FOXK1: variants seen among roughly 807,000 people sequenced by gnomAD.
FOXK1 encodes forkhead box protein K1.
A neutral mutation model predicts 51.9 loss-of-function variants in FOXK1; 19 were observed. The observed-to-expected ratio is 0.37, with a 90% confidence interval of 0.26 to 0.54. The LOEUF is 0.54. Ranked by LOEUF, FOXK1 falls within the 20% of genes least tolerant of loss-of-function variation. The pLI, the probability that FOXK1 is intolerant of heterozygous loss-of-function variation, is 0.87. For synonymous variants in FOXK1, 537 were observed against 482.6 expected (o/e 1.11, Z -1.48); for missense variants, 870 against 1,032.7 (o/e 0.84, Z 2.16).
At chr7:4,716,481 G>A (rs757311661) in intron 1 of FOXK1, among the ~76,000 whole-genome samples, 6 of 152,138 alleles carry the variant, frequency 3.9e-5, no homozygotes, top group Non-Finnish European at 8.8e-5. Context: ...TCTCTAGCCT[G>A]CGTGACACAG....
intron 1 of FOXK1, among the ~76,000 whole-genome samples, chr7:4,732,846 C>G (rs1394945566): frequency 6.6e-6 from 1 of 152,230 alleles, no homozygotes; most frequent in East Asian, 1.9e-4. Context: ...CTGCACGCCC[C>G]TTACACGTGT....
rs1243829535 is a variant in FOXK1 at position 4,765,830 on chromosome 7, A to G, written c.*3366A>G. On this transcript the variant is annotated 3_prime_UTR_variant, in exon 9 of 9. Coordinates refer to ENST00000328914, the MANE Select transcript of FOXK1 (RefSeq NM_001037165.2). ...GGTAAGTCCCAAAAAGAACGTCTTA[A>G]GTAGAGCAAAGGCATCCACCGAGGC... The G allele has an allele frequency of 6.6e-6, 1 of 152,218 alleles. No homozygotes were observed. Among genetic ancestry groups the G allele is most frequent in the Non-Finnish European group, 1.5e-5 (1 of 68,044 alleles). 9.4% of individuals were successfully genotyped at this position (152,218 alleles called of 1,614,324 possible).
chr7:4,721,958 T>G (rs1780318465), intron 1 of FOXK1, among the ~76,000 whole-genome samples: 1 of 152,244 alleles, frequency 6.6e-6, no homozygotes, highest in African/African-American at 2.4e-5. Flanking sequence ...TGCATCCCTT[T>G]CTCGTGCAGG....
At chr7:4,696,426 T>C (rs1779953176) in intron 1 of FOXK1, among the ~76,000 whole-genome samples, 1 of 152,188 alleles carries the variant, frequency 6.6e-6, no homozygotes, top group South Asian at 2.1e-4. Flanking sequence ...GATAAGCAGG[T>C]GTGTGCGCGT....
intron 1 of FOXK1, among the ~76,000 whole-genome samples, chr7:4,687,970 G>A (rs1391076635): frequency 3.3e-5 from 5 of 152,136 alleles, no homozygotes; most frequent in Non-Finnish European, 5.9e-5. Flanking sequence ...GCTCTCAAAC[G>A]ATCCTCCCAC....
intron 1 of FOXK1, among the ~76,000 whole-genome samples, chr7:4,694,604 G>T (rs753835350): frequency 2.0e-5 from 3 of 152,120 alleles, no homozygotes; most frequent in Non-Finnish European, 4.4e-5. Context: ...TGGATTCTGG[G>T]GCTTGGTCTT....
intron 1 of FOXK1, among the ~76,000 whole-genome samples, chr7:4,718,714 A>T (rs898220928): frequency 2.6e-5 from 4 of 151,904 alleles, no homozygotes; most frequent in Non-Finnish European, 4.4e-5. Flanking sequence ...CCTTCCTTCC[A>T]CCCATGTATG....
rs1317782044 is a variant in FOXK1, at chr7:4,761,259, C to T, written c.1892C>T (p.Pro631Leu). The change falls in exon 8 of 9, where the codon CCC becomes CTC. Residue 631 changes from proline (P) to leucine (L), a missense_variant. Pro to Leu is a moderately conservative substitution (Grantham distance 98). Transcript: ENST00000328914. The surrounding 1 kb of genome is among the most constrained non-coding windows in gnomAD (Gnocchi z 6.2). The stretch of plus-strand genomic sequence containing the variant: ...ACCCAGAACGGAAAGCATGCGGTTC[C>T]CACGAACAGTTTAGCCGGCAACGCT... Reference protein sequence around the residue: ...AVTQNGKHAVPTNSLAGNAYA... With the variant: ...AVTQNGKHAVLTNSLAGNAYA... The T allele has an allele frequency of 6.2e-7, 1 of 1,612,962 alleles. No individual in the cohort carries two copies. The highest frequency in any genetic ancestry group is 1.3e-5 in the African/African-American group (1 of 75,052).
intron 1 of FOXK1, among the ~76,000 whole-genome samples, chr7:4,689,542 C>A (rs1310899581): frequency 6.6e-6 from 1 of 152,136 alleles, no homozygotes; most frequent in Admixed American, 6.6e-5. Flanking sequence ...AGATGTGCCA[C>A]CCTGGAACCT....
In FOXK1 at chr7:4,710,468, C is replaced by G. The variant is rs28392913; in HGVS notation, c.560+27600C>G. On this transcript the variant is annotated intron_variant, in intron 1 of 8. Transcript: ENST00000328914. The stretch of plus-strand genomic sequence containing the variant: ...GGGGTGCCTGTAATCCCAGCTCCTC[C>G]GGAGGCCGAGGCAGGAGAATCGCTT... 1.4e-4 allele frequency among the ~76,000 whole-genome samples: 22 copies of G among 152,096 alleles called. No individual in the cohort carries two copies. The South Asian group carries it at 1.9e-3, about 13-fold the overall frequency.
intron 1 of FOXK1, among the ~76,000 whole-genome samples, chr7:4,728,492 G>A (rs1780408960): frequency 6.6e-6 from 1 of 152,052 alleles, no homozygotes; most frequent in Admixed American, 6.6e-5. Context: ...ACTCTTACTC[G>A]TGTGCACTAA....
intron 1 of FOXK1, among the ~76,000 whole-genome samples, chr7:4,699,926 T>C (rs1003430440): frequency 1.3e-5 from 2 of 152,204 alleles, no homozygotes; most frequent in African/African-American, 4.8e-5. Context: ...CTCATTTCTT[T>C]GTGTTGTCTG....
In FOXK1 at chr7:4,731,093, T is replaced by A. The variant is rs1458459466; in HGVS notation, c.561-9745T>A. ...GCCTCCGGCATTCCAGTTTCAGGCC[T>A]TATCTGATGTGGCCCACCCTGGGAC... On this transcript the variant is annotated intron_variant, in intron 1 of 8. Transcript: ENST00000328914. The surrounding 1 kb of genome is among the most constrained non-coding windows in gnomAD (Gnocchi z 5.3). Among the ~76,000 whole-genome samples, 4 of 152,198 alleles carry A rather than the reference T, an allele frequency of 2.6e-5. No homozygotes were observed. Among genetic ancestry groups the A allele is most frequent in the Non-Finnish European group, 4.4e-5 (3 of 68,026 alleles).
intron 6 of FOXK1, 21 bp from the exon 7 acceptor site, chr7:4,759,290 C>T (rs1409763825): frequency 1.6e-5 from 25 of 1,601,786 alleles, no homozygotes; most frequent in Middle Eastern, 3.3e-4. Flanking sequence ...GGTCACCGTC[C>T]GCTCTCCGCC....
Position 4,757,634 on chromosome 7 carries a change from C to CAAAAAAA in FOXK1, c.1244+471_1244+477dup, listed in dbSNP as rs59200954. On this transcript the variant is annotated intron_variant, in intron 5 of 8. Transcript: ENST00000328914. The stretch of plus-strand genomic sequence containing the variant: ...GGGCGACAAGAGCAAAACTCCGTCT[C>CAAAAAAA]AAAAAAAAAAAAAAAAAAAAAAAAA... 7.9e-4 allele frequency among the ~76,000 whole-genome samples: 16 copies of CAAAAAAA among 20,198 alleles called. 1 individual carries two copies. Among genetic ancestry groups the CAAAAAAA allele is most frequent in the Non-Finnish European group, 1.1e-3 (7 of 6,398 alleles). The allele number at this position is 20,198 out of a possible 152,430, so 13.3% of individuals were successfully genotyped here. A position where few individuals can be genotyped will look rare whatever the true frequency, so the allele number is the denominator to read the frequency against.
intron 1 of FOXK1, among the ~76,000 whole-genome samples, chr7:4,740,418 AG>A (rs1308550803): frequency 2.1e-5 from 3 of 145,700 alleles, no homozygotes; most frequent in African/African-American, 7.7e-5. Context: ...CGACAGAGTG[AG>A]ACTCCCTCTC....
intron 1 of FOXK1, among the ~76,000 whole-genome samples, chr7:4,705,510 CTTCTCT>C (rs1363985895): frequency 2.4e-4 from 28 of 118,880 alleles, no homozygotes; most frequent in African/African-American, 7.0e-4. Context: ...GTGTCATTTC[CTTCTCT>C]TTCTCTCTCT....
chr7:4,720,136 C>T (rs1780290180), intron 1 of FOXK1, among the ~76,000 whole-genome samples: 1 of 152,208 alleles, frequency 6.6e-6, no homozygotes, highest in Admixed American at 6.5e-5. Flanking sequence ...ATTGGTTTCT[C>T]CCTGGCTGCC....
Position 4,755,095 on chromosome 7 carries a change from A to T in FOXK1, c.904-142A>T. 1.0e-6 allele frequency: 1 copy of T among 987,970 alleles called. No homozygotes were observed. The highest frequency in any genetic ancestry group is 1.5e-6 in the Non-Finnish European group (1 of 688,866). 61.2% of individuals were successfully genotyped at this position (987,970 alleles called of 1,614,324 possible). ...AGTTGAATGCAAGCACATTAATGGG[A>T]TAGTTGGAGGGCACTGGGACGGGTG... On this transcript the variant is annotated intron_variant, in intron 3 of 8. Coordinates refer to ENST00000328914, the MANE Select transcript of FOXK1 (RefSeq NM_001037165.2). This position sits in a 1 kb window ranked among gnomAD's most constrained non-coding sequence, Gnocchi z 6.6.
Sources: allele counts gnomAD v4.1 joint callset (sites outside exome capture counted in the v4.1 genomes callset), GRCh38; gene constraint gnomAD v4.1.1; non-coding constraint Gnocchi (gnomAD v3.1); transcripts MANE v1.5; gene names NCBI Gene and HGNC (gene_info 2026-07-23, HGNC 2026-07-21).